The following SLC36A1 variants were observed in gnomAD, a reference collection of about 807,000 sequenced individuals.
SLC36A1 encodes solute carrier family 36 member 1, also known as proton-coupled amino acid transporter 1.
SLC36A1 carries 30 observed loss-of-function variants against 47.5 expected under a neutral mutation model. The observed-to-expected ratio is 0.63, with a 90% confidence interval of 0.47 to 0.86. The LOEUF (loss-of-function observed/expected upper bound fraction) is 0.86, where lower values mean the gene tolerates loss of function less well. Ranked by LOEUF, SLC36A1 falls within the 40% of genes least tolerant of loss-of-function variation. The pLI is 0.00. For synonymous variants in SLC36A1, 255 were observed against 249.7 expected (o/e 1.02, Z -0.20); for missense variants, 517 against 606.0 (o/e 0.85, Z 1.54).
chr5:151,487,865 G>C (rs1759772548), intron 10 of SLC36A1, 118 bp from the exon 11 acceptor site: 1 of 1,257,742 alleles, frequency 8.0e-7, no homozygotes, highest in African/African-American at 1.5e-5. Flanking sequence ...CAATGTCTAA[G>C]TTTTCTTAGA....
At chr5:151,519,275 T>C in the SLC36A1 span, among the ~76,000 whole-genome samples, 1 of 152,108 alleles carries the variant, frequency 6.6e-6, no homozygotes, top group Non-Finnish European at 1.5e-5. Context: ...ACCTGGGAGG[T>C]GGAAGTTGCA....
chr5:151,506,284 T>C, the SLC36A1 span, among the ~76,000 whole-genome samples: 34 of 152,376 alleles, frequency 2.2e-4, no homozygotes, highest in Middle Eastern at 3.4e-3. Context: ...AGCTCAAGGC[T>C]AGAGGTTTGA....
At chr5:151,376,931 C>A in the SLC36A1 span, among the ~76,000 whole-genome samples, 1 of 152,098 alleles carries the variant, frequency 6.6e-6, no homozygotes, top group South Asian at 2.1e-4. Context: ...CCGCACCCGG[C>A]CAAAAAAATT....
the SLC36A1 span, chr5:151,512,867 A>T: frequency 5.9e-6 from 3 of 510,028 alleles, no homozygotes; most frequent in Admixed American, 6.6e-5. This position sits in a 1 kb window ranked among gnomAD's most constrained non-coding sequence, Gnocchi z 4.1. Flanking sequence ...ACTGAGGCCG[A>T]GAGATGCTTT....
intron 6 of SLC36A1, 52 bp downstream of exon 6, chr5:151,467,335 G>A: frequency 2.5e-6 from 3 of 1,207,910 alleles, no homozygotes; most frequent in East Asian, 2.4e-5. Context: ...AGCGAGAATG[G>A]CAAAAGATGA....
the SLC36A1 span, chr5:151,380,530 C>G: frequency 1.9e-6 from 1 of 519,456 alleles, no homozygotes; most frequent in South Asian, 1.5e-5. Flanking sequence ...GTTGGAAAGA[C>G]AGTGGGTGAT....
At chr5:151,349,039 T>C in the SLC36A1 span, among the ~76,000 whole-genome samples, 1 of 152,316 alleles carries the variant, frequency 6.6e-6, no homozygotes, top group South Asian at 2.1e-4. Context: ...GTCTGTGAAG[T>C]AGCAGGCTGC....
chr5:151,535,520 C>T, the SLC36A1 span, among the ~76,000 whole-genome samples: 1 of 151,072 alleles, frequency 6.6e-6, no homozygotes, highest in Non-Finnish European at 1.5e-5. Context: ...CCAGGGAGGA[C>T]ATGGGAGCCC....
the SLC36A1 span, among the ~76,000 whole-genome samples, chr5:151,392,388 T>C: frequency 6.6e-6 from 1 of 152,234 alleles, no homozygotes; most frequent in Admixed American, 6.5e-5. Flanking sequence ...GGATTTTTTG[T>C]GTCTCTATCT....
intron 1 of SLC36A1, among the ~76,000 whole-genome samples, chr5:151,458,356 T>TATATACACAC (rs796511045): frequency 1.2e-4 from 16 of 129,740 alleles, no homozygotes; most frequent in African/African-American, 4.6e-4. Context: ...TATATATATA[T>TATATACACAC]ACACACACGA....
the SLC36A1 span, among the ~76,000 whole-genome samples, chr5:151,406,829 G>A: frequency 6.6e-6 from 1 of 152,152 alleles, no homozygotes; most frequent in Non-Finnish European, 1.5e-5. Context: ...TGGGTTCTTG[G>A]TCTTGCTGAC....
the SLC36A1 span, among the ~76,000 whole-genome samples, chr5:151,522,713 C>T: frequency 3.9e-5 from 6 of 152,136 alleles, no homozygotes; most frequent in Admixed American, 3.9e-4. Flanking sequence ...ACATTTGAGT[C>T]CTGAGGGATG....
At chr5:151,458,356 T>TATATATACACAC (rs796511045) in intron 1 of SLC36A1, among the ~76,000 whole-genome samples, 7 of 129,768 alleles carry the variant, frequency 5.4e-5, no homozygotes, top group African/African-American at 2.5e-4. Context: ...TATATATATA[T>TATATATACACAC]ACACACACGA....
chr5:151,506,003 C>A, the SLC36A1 span: 1 of 1,575,160 alleles, frequency 6.3e-7, no homozygotes, highest in Non-Finnish European at 8.6e-7. Flanking sequence ...GAGCCGAGGG[C>A]GGCAGAGGGC....
At chr5:151,526,448 A>G in the SLC36A1 span, among the ~76,000 whole-genome samples, 214 of 152,350 alleles carry the variant, frequency 1.4e-3, no homozygotes, top group Non-Finnish European at 2.3e-3. Context: ...AAGAAAAACC[A>G]GATTCCCTGA....
At chr5:151,398,291 A>G in the SLC36A1 span, among the ~76,000 whole-genome samples, 1 of 152,284 alleles carries the variant, frequency 6.6e-6, no homozygotes, top group Admixed American at 6.5e-5. Context: ...TAGAATGTAC[A>G]AGCTGGTGTC....
At chr5:151,498,307 A>G in the SLC36A1 span, among the ~76,000 whole-genome samples, 3 of 152,184 alleles carry the variant, frequency 2.0e-5, no homozygotes, top group African/African-American at 7.2e-5. Flanking sequence ...CAATATGGAT[A>G]CTACACAATG....
In SLC36A1 at chr5:151,476,688, G is replaced by A; in HGVS notation, c.921G>A (p.Gly307=). 1 of 1,613,760 alleles carries A rather than the reference G, an allele frequency of 6.2e-7. No individual in the cohort carries two copies. The part of the protein sequence containing the change: ...VIVTILYISL[G]CLGYLQFGAN... The stretch of plus-strand genomic sequence containing the variant: ...TCACCATCCTCTACATCAGCCTGGG[G>A]TGTCTGGGGTACCTGCAATTTGGAG... The change falls in exon 9 of 11, where the codon GGG becomes GGA. Residue 307 remains glycine (G), a synonymous_variant. Transcript: ENST00000243389.
At chr5:151,406,971 A>ACTT in the SLC36A1 span, among the ~76,000 whole-genome samples, 9 of 151,914 alleles carry the variant, frequency 5.9e-5, no homozygotes, top group Admixed American at 1.3e-4. Context: ...GGTCTTGCTG[A>ACTT]CTTCAGGAGT....
Sources: allele counts gnomAD v4.1 joint callset (sites outside exome capture counted in the v4.1 genomes callset), GRCh38; gene constraint gnomAD v4.1.1; non-coding constraint Gnocchi (gnomAD v3.1); transcripts MANE v1.5; gene names NCBI Gene and HGNC (gene_info 2026-07-23, HGNC 2026-07-21).